RBM26: variants seen among roughly 807,000 people sequenced by gnomAD.
The protein encoded by RBM26 is RNA binding motif protein 26, also known as RNA-binding protein 26.
A neutral mutation model predicts 123.6 loss-of-function variants in RBM26; 30 were observed. That is an observed-to-expected ratio of 0.24 (90% CI 0.18 to 0.33). RBM26 has a LOEUF of 0.33. Ranked by LOEUF, RBM26 falls within the 10% of genes least tolerant of loss-of-function variation. RBM26 has a pLI of 1.00. For missense variants in RBM26, 947 were observed against 1,203.6 expected (o/e 0.79, Z 3.15); for synonymous variants, 400 against 404.4 (o/e 0.99, Z 0.13).
At chr13:79,317,235 G>C (rs925007822), downstream of RBM26, among the ~76,000 whole-genome samples, 3 of 151,708 alleles carry the variant, frequency 2.0e-5, no homozygotes, top group African/African-American at 7.3e-5. Flanking sequence ...ACTGTACCAA[G>C]AGGCATCATA....
chr13:79,372,803 T>TATATATTATATATAATTAC (rs2076059361), intron 3 of RBM26, among the ~76,000 whole-genome samples: 1 of 101,538 alleles, frequency 9.8e-6, no homozygotes, highest in African/African-American at 5.0e-5. Context: ...ATTATAATTA[T>TATATATTATATATAATTAC]ATGATATATA....
At chr13:79,386,893 A>G (rs2077540400) in intron 1 of RBM26, among the ~76,000 whole-genome samples, 1 of 152,190 alleles carries the variant, frequency 6.6e-6, no homozygotes, top group Admixed American at 6.5e-5. Flanking sequence ...CTAGAAATAC[A>G]AAAAACCTAG....
chr13:79,395,342 ATACACAGAAAC>A (rs1161338088), intron 1 of RBM26, among the ~76,000 whole-genome samples: 1 of 152,218 alleles, frequency 6.6e-6, no homozygotes, highest in Non-Finnish European at 1.5e-5. Context: ...ACTTCAGTGA[ATACACAGAAAC>A]TATTAAAAAG....
downstream of RBM26, chr13:79,314,521 C>T (rs1481838993): frequency 6.6e-6 from 1 of 151,948 alleles, no homozygotes; most frequent in Non-Finnish European, 1.5e-5. Flanking sequence ...CAGTGGCTAT[C>T]CTACTCCCAG....
At chr13:79,323,319 T>C (rs1161770432) in intron 20 of RBM26, among the ~76,000 whole-genome samples, 1 of 151,584 alleles carries the variant, frequency 6.6e-6, no homozygotes, top group Non-Finnish European at 1.5e-5. Flanking sequence ...AACAATTACA[T>C]ATTCAATGAT....
chr13:79,377,460 T>A lies in RBM26; in HGVS notation c.246A>T (p.Leu82=). ...LFDAVNTKSY[L]PPPEQPSSGS... ...CTGATGATGGCTGCTCTGGAGGAGG[T>A]AGGTAACTCTTTGTATTCACAGCAT... Residue 82 remains leucine, a synonymous_variant, in exon 3 of 22, where the codon CTA becomes CTT. Coordinates refer to ENST00000438737, the MANE Select transcript of RBM26 (RefSeq NM_001366735.2). The A allele has an allele frequency of 6.2e-7, 1 of 1,612,552 alleles. No individual in the cohort carries two copies. Among genetic ancestry groups the A allele is most frequent in the South Asian group, 1.1e-5 (1 of 91,060 alleles).
intron 1 of RBM26, among the ~76,000 whole-genome samples, chr13:79,399,949 T>C (rs182263161): frequency 5.3e-4 from 80 of 152,102 alleles, no homozygotes; most frequent in African/African-American, 1.9e-3. Flanking sequence ...AGCCAGCAAT[T>C]AGAGATAAAA....
intron 1 of RBM26, among the ~76,000 whole-genome samples, chr13:79,393,740 G>A (rs2078303023): frequency 1.3e-5 from 2 of 152,144 alleles, no homozygotes; most frequent in African/African-American, 2.4e-5. Flanking sequence ...GGGTGGGAAG[G>A]ACCTTGGGGT....
chr13:79,371,694 A>G (rs916056122), intron 4 of RBM26, 148 bp downstream of exon 4: 1 of 608,384 alleles, frequency 1.6e-6, no homozygotes, highest in African/African-American at 1.9e-5. Context: ...CTAGATTTTC[A>G]TGGTAGAAAC....
chr13:79,327,571 CAA>C (rs1034712319), intron 20 of RBM26, among the ~76,000 whole-genome samples: 11 of 151,768 alleles, frequency 7.2e-5, no homozygotes, highest in Non-Finnish European at 4.4e-5. Context: ...CCAAAAAACC[CAA>C]GAGAGCAAAA....
intron 20 of RBM26, among the ~76,000 whole-genome samples, chr13:79,331,917 C>T (rs1230348420): frequency 6.6e-6 from 1 of 152,122 alleles, no homozygotes; most frequent in African/African-American, 2.4e-5. Context: ...TTCTAGGTAA[C>T]AAGGCAGAGT....
chr13:79,369,976 C>T (rs910592466), intron 5 of RBM26, among the ~76,000 whole-genome samples: 15 of 152,122 alleles, frequency 9.9e-5, no homozygotes, highest in African/African-American at 2.4e-5. Context: ...TTTCAGGCAA[C>T]GACTGGCTTT....
At chr13:79,370,576 C>T (rs2075778120) in intron 5 of RBM26, among the ~76,000 whole-genome samples, 1 of 152,206 alleles carries the variant, frequency 6.6e-6, no homozygotes, top group South Asian at 2.1e-4. Flanking sequence ...TGTGGACATA[C>T]ACTTTCATTT....
intron 20 of RBM26, among the ~76,000 whole-genome samples, chr13:79,334,130 G>A (rs2069903595): frequency 6.6e-6 from 1 of 152,090 alleles, no homozygotes; most frequent in African/African-American, 2.4e-5. Context: ...TCCACTTGGT[G>A]ACTAAATATG....
At chr13:79,322,003 G>A (rs1395142057) in intron 21 of RBM26, among the ~76,000 whole-genome samples, 2 of 151,250 alleles carry the variant, frequency 1.3e-5, no homozygotes, top group African/African-American at 4.8e-5. Flanking sequence ...TTAAAATAAA[G>A]GAAAGCTGAA....
chr13:79,342,790 A>G lies in RBM26; in HGVS notation c.2301T>C (p.Ser767=). The G allele has an allele frequency of 6.2e-7, 1 of 1,605,546 alleles. No homozygotes were observed. The highest frequency in any genetic ancestry group is 8.5e-7 in the Non-Finnish European group (1 of 1,175,724). ...TTTTCATTATTTCTGCTTTATCTTC[A>G]GACTTCATTGTTTTGTTTTTCTCCA... ...SKLEKNKTMK[S]EDKAEIMKTL... Residue 767 remains serine, a synonymous_variant, in exon 17 of 22, where the codon TCT becomes TCC. Coordinates refer to ENST00000438737, the MANE Select transcript of RBM26 (RefSeq NM_001366735.2).
At chr13:79,372,813 AT>A in intron 3 of RBM26, among the ~76,000 whole-genome samples, 2 of 99,544 alleles carry the variant, frequency 2.0e-5, no homozygotes, top group African/African-American at 1.1e-4. Flanking sequence ...TATGATATAT[AT>A]TTATAATAAA....
At chr13:79,338,679 C>T (rs2070870107) in intron 18 of RBM26, among the ~76,000 whole-genome samples, 1 of 152,006 alleles carries the variant, frequency 6.6e-6, no homozygotes, top group South Asian at 2.1e-4. Context: ...AGTGATGTAA[C>T]CAAATCAGTG....
At chr13:79,378,698 C>A (rs1279236069) in intron 2 of RBM26, 91 bp downstream of exon 2, 1 of 713,760 alleles carries the variant, frequency 1.4e-6, no homozygotes, top group Non-Finnish European at 2.3e-6. Context: ...CCTCAGCCTC[C>A]CAAAGTGCTA....
Sources: allele counts gnomAD v4.1 joint callset (sites outside exome capture counted in the v4.1 genomes callset), GRCh38; gene constraint gnomAD v4.1.1; transcripts MANE v1.5; gene names NCBI Gene and HGNC (gene_info 2026-07-23, HGNC 2026-07-21).